The following VSIG4 variants were observed in gnomAD, a reference collection of about 807,000 sequenced individuals.
The protein encoded by VSIG4 is V-set and immunoglobulin domain-containing protein 4.
Under a neutral mutation model 23.4 loss-of-function variants are expected in VSIG4, and 34 were observed. The ratio of observed to expected loss-of-function variants is 1.45; its 90% CI spans 1.10 to 1.93. The LOEUF (loss-of-function observed/expected upper bound fraction) is 1.93. Ranked by LOEUF, VSIG4 falls within the 30% of genes most tolerant of loss-of-function variation. The pLI is 0.00. For synonymous variants in VSIG4, 169 were observed against 120.3 expected (o/e 1.41, Z -2.65); for missense variants, 433 against 310.8 (o/e 1.39, Z -2.96).
intron 2 of VSIG4, among the ~76,000 whole-genome samples, 157 bp downstream of exon 2, chrX:66,033,317 A>G (rs1029070092): frequency 1.3e-4 from 15 of 111,219 alleles, no homozygotes; most frequent in African/African-American, 4.6e-4. Flanking sequence ...TGCTGACCCT[A>G]AGAATCCTCT....
intron 1 of VSIG4, among the ~76,000 whole-genome samples, chrX:66,034,862 G>A (rs2085517827): frequency 9.1e-6 from 1 of 110,110 alleles, no homozygotes; most frequent in Admixed American, 9.8e-5. Context: ...AAGATTTTTT[G>A]TTTTATTTAG....
rs768403951 is a variant in VSIG4, at chrX:66,022,445, C to A, written c.1018G>T (p.Ala340Ser). ...GGCTCATCACTGGAGCAGCCACTTG[C>A]GAAGATGGCCACCCTCATGGTTTCT... ...SGETMRVAIF[A>S]SGCSSDEPTS... The change falls in exon 8 of 8, where the codon GCA (alanine) becomes TCA (serine). Residue 340 changes from alanine (A) to serine (S), a missense_variant. Ala to Ser is a moderately conservative substitution (Grantham distance 99). Coordinates refer to ENST00000374737, the MANE Select transcript of VSIG4 (RefSeq NM_007268.3). 5 of 1,211,840 alleles carry A rather than the reference C, an allele frequency of 4.1e-6. No homozygotes were observed. The highest frequency in any genetic ancestry group is 1.8e-5 in the South Asian group (1 of 56,992).
chrX:66,039,464 T>C (rs1267912227), intron 1 of VSIG4, among the ~76,000 whole-genome samples: 1 of 111,957 alleles, frequency 8.9e-6, no homozygotes, highest in Non-Finnish European at 1.9e-5. Flanking sequence ...CTACTGGATG[T>C]TTCTGAGCAC....
chrX:66,030,668 T>A (rs754682527), intron 3 of VSIG4, among the ~76,000 whole-genome samples: 2 of 111,225 alleles, frequency 1.8e-5, no homozygotes, highest in Admixed American at 1.9e-4. Flanking sequence ...AGTTACCTTA[T>A]CTTTTAGGAG....
At position 66,033,632 on chromosome X, in the gene VSIG4, C is replaced by A. The variant is rs202129863; in HGVS notation, c.254G>T (p.Arg85Leu). 8.3e-7 allele frequency: 1 copy of A among 1,209,352 alleles called. No homozygotes were observed. Among genetic ancestry groups the A allele is most frequent in the Non-Finnish European group, 1.1e-6 (1 of 895,067 alleles). The change falls in exon 2 of 8, where the codon CGC becomes CTC. Residue 85 changes from arginine to leucine, a missense_variant. Physicochemically the swap from Arg to Leu is moderately radical, Grantham distance 102. Transcript: ENST00000374737. ...DHIQQAKYQG[R>L]LHVSHKVPGD... ...TGGAACCTTGTGGCTCACATGCAGG[C>A]GGCCCTGGTACTTTGCCTGCTGGAT... is the stretch of plus-strand genomic sequence containing the variant.
intron 5 of VSIG4, among the ~76,000 whole-genome samples, chrX:66,026,158 C>A (rs1301654381): frequency 9.0e-6 from 1 of 111,468 alleles, no homozygotes; most frequent in Non-Finnish European, 1.9e-5. Context: ...TATTCTGAAT[C>A]TAAGATGCTA....
In VSIG4 at chrX:66,022,193, A is replaced by G. The variant is rs768015315; in HGVS notation, c.*70T>C. The stretch of plus-strand genomic sequence containing the variant: ...TATCCAGGAAGAGAGGTAGCAGGGA[A>G]GAAGGCCATGCAGAAGGCAAGGACT... On this transcript the variant is annotated 3_prime_UTR_variant, in exon 8 of 8. Coordinates refer to ENST00000374737, the MANE Select transcript of VSIG4 (RefSeq NM_007268.3). 124 of 1,209,885 alleles carry G rather than the reference A, an allele frequency of 1.0e-4. 1 individual carries two copies. The East Asian group carries it at 1.4e-3, about 13-fold the overall frequency.
chrX:66,023,698 T>C (rs770411265), intron 6 of VSIG4, among the ~76,000 whole-genome samples: 6 of 111,994 alleles, frequency 5.4e-5, no homozygotes, highest in Non-Finnish European at 1.1e-4. Context: ...GCTGTCTCCC[T>C]TATACAGAGA....
At chrX:66,037,384 AAT>A (rs1227026936) in intron 1 of VSIG4, among the ~76,000 whole-genome samples, 1 of 34,991 alleles carries the variant, frequency 2.9e-5, no homozygotes, top group Non-Finnish European at 4.2e-5. Flanking sequence ...TATAATATAT[AAT>A]ATATATTATG....
chrX:66,033,632 C>T lies in VSIG4; in HGVS notation c.254G>A (p.Arg85His), dbSNP rs202129863. ...DHIQQAKYQG[R>H]LHVSHKVPGD... ...TGGAACCTTGTGGCTCACATGCAGG[C>T]GGCCCTGGTACTTTGCCTGCTGGAT... The change falls in exon 2 of 8, where the codon CGC becomes CAC. Residue 85 changes from arginine (R) to histidine (H), a missense_variant. Physicochemically the swap from Arg to His is conservative, Grantham distance 29 (BLOSUM62 0). Transcript: ENST00000374737. 66 of 1,209,403 alleles carry T rather than the reference C, an allele frequency of 5.5e-5. No homozygotes were observed. Among genetic ancestry groups the T allele is most frequent in the Middle Eastern group, 2.3e-4 (1 of 4,337 alleles).
At chrX:66,037,332 TA>T (rs1427708081) in intron 1 of VSIG4, among the ~76,000 whole-genome samples, 2 of 3,515 alleles carry the variant, frequency 5.7e-4, no homozygotes, top group Admixed American at 5.8e-3. Context: ...TATTATATAA[TA>T]ATATAATATA....
intron 6 of VSIG4, among the ~76,000 whole-genome samples, chrX:66,023,780 A>T (rs2085359471): frequency 8.9e-6 from 1 of 112,535 alleles, no homozygotes; most frequent in Non-Finnish European, 1.9e-5. Context: ...GGCTAGACCC[A>T]CATCACAGAG....
intron 4 of VSIG4, 49 bp from the exon 5 acceptor site, chrX:66,027,575 G>C (rs2085407460): frequency 1.9e-6 from 2 of 1,034,050 alleles, no homozygotes; most frequent in South Asian, 4.0e-5. Context: ...CTTTCAAAAA[G>C]TTGAGAGATA....
chrX:66,022,935 AC>A, intron 6 of VSIG4, 73 bp from the exon 7 acceptor site: 2 of 1,103,842 alleles, frequency 1.8e-6, no homozygotes, highest in Non-Finnish European at 2.5e-6. Context: ...GATCCTGGGT[AC>A]CAGTCAAAAG....
chrX:66,037,929 A>G (rs894076003), intron 1 of VSIG4, among the ~76,000 whole-genome samples: 1 of 108,031 alleles, frequency 9.3e-6, no homozygotes, highest in African/African-American at 3.4e-5. Flanking sequence ...GCTCCTTTAT[A>G]AGACCCATTC....
chrX:66,027,836 C>T (rs1009724982), intron 4 of VSIG4, among the ~76,000 whole-genome samples: 6 of 111,925 alleles, frequency 5.4e-5, no homozygotes, highest in African/African-American at 1.9e-4. Context: ...TAATTCTAAC[C>T]CTCTCTTTCC....
In VSIG4 at chrX:66,033,536, C is replaced by T; in HGVS notation, c.350G>A (p.Trp117Ter). 8.3e-7 allele frequency: 1 copy of T among 1,211,401 alleles called. No individual in the cohort carries two copies. The highest frequency in any genetic ancestry group is 1.1e-6 in the Non-Finnish European group (1 of 895,324). The change falls in exon 2 of 8, where the codon TGG becomes TAG. Residue 117 changes from tryptophan (W) to a stop codon, truncating the protein, a stop_gained. Transcript: ENST00000374737. LOFTEE classifies it high-confidence loss of function. Reference protein sequence around the residue: ...DRSHYTCEVTWQTPDGNQVVR... With the variant: ...DRSHYTCEVT ...GACTTGGTTGCCATCAGGAGTCTGC[C>T]AGGTGACTTCACACGTGTAGTGGCT...
chrX:66,027,788 G>T (rs1259195417), intron 4 of VSIG4, among the ~76,000 whole-genome samples: 1 of 112,421 alleles, frequency 8.9e-6, no homozygotes, highest in Non-Finnish European at 1.9e-5. Context: ...GAGCAGAATA[G>T]AATTTAGTGT....
chrX:66,034,700 T>C (rs1461068714), intron 1 of VSIG4, among the ~76,000 whole-genome samples: 2 of 94,896 alleles, frequency 2.1e-5, no homozygotes, highest in African/African-American at 4.1e-5. Context: ...CTGGCTGTAG[T>C]AGGGGTGGTG....
Sources: gnomAD v4.1 joint callset for allele counts (sites outside exome capture counted in the v4.1 genomes callset) on GRCh38, gnomAD v4.1.1 for gene constraint, MANE v1.5 for transcripts, NCBI Gene and HGNC (gene_info 2026-07-23, HGNC 2026-07-21) for gene names.